Variants in L3MBTL1 observed in about 807,000 individuals in gnomAD.
The protein encoded by L3MBTL1 is lethal(3)malignant brain tumor-like protein 1.
In L3MBTL1, 75 loss-of-function variants were observed where a neutral mutation model predicts 105.3. The ratio of observed to expected loss-of-function variants is 0.71; its 90% CI spans 0.59 to 0.86. The LOEUF (loss-of-function observed/expected upper bound fraction) is 0.86. Among genes scored for constraint, L3MBTL1 ranks in the 40% least tolerant of loss-of-function variants. The pLI, the probability that L3MBTL1 is intolerant of heterozygous loss-of-function variation, is 0.00. For synonymous variants in L3MBTL1, 452 were observed against 436.2 expected, an observed-to-expected ratio of 1.04 and a Z score of -0.45; for missense variants, 1,069 against 1,126.4, an observed-to-expected ratio of 0.95 and a Z score of 0.73.
intron 7 of L3MBTL1, among the ~76,000 whole-genome samples, chr20:43,520,364 A>G (rs771868769): frequency 6.6e-6 from 1 of 152,190 alleles, no homozygotes; most frequent in Non-Finnish European, 1.5e-5. Context: ...GAACATTTGT[A>G]TACAAGTTTT....
intron 18 of L3MBTL1, 28 bp from the exon 19 acceptor site, chr20:43,536,381 G>A (rs6124570): frequency 1.9e-6 from 3 of 1,613,796 alleles, no homozygotes; most frequent in South Asian, 2.2e-5. Flanking sequence ...CTGATTCCCT[G>A]CCATGGACCT....
intron 19 of L3MBTL1, among the ~76,000 whole-genome samples, chr20:43,538,673 C>G (rs2019755509): frequency 6.6e-6 from 1 of 152,316 alleles, no homozygotes; most frequent in East Asian, 1.9e-4. Flanking sequence ...GGAGCCATGT[C>G]TGACCTGCAA....
rs559279994 is a variant in L3MBTL1, at chr20:43,514,702, G to A, written c.428G>A (p.Arg143Gln). 20 of 1,583,614 alleles carry A rather than the reference G, an allele frequency of 1.3e-5. No homozygotes were observed. Among genetic ancestry groups the A allele is most frequent in the Middle Eastern group, 1.7e-4 (1 of 6,010 alleles). The stretch of plus-strand genomic sequence containing the variant: ...GAGCAGCCCCCGAGCCCCGAGCTGC[G>A]GCAGGAAGGCGTGACCGAATACGAA... Reference protein sequence around the residue: ...GVEQPPSPELRQEGVTEYEDG... With the variant: ...GVEQPPSPELQQEGVTEYEDG... The change falls in exon 4 of 22, where the codon CGG (arginine) becomes CAG (glutamine). Residue 143 changes from arginine (R) to glutamine (Q), a missense_variant. Physicochemically the swap from Arg to Gln is conservative, Grantham distance 43. Transcript: ENST00000418998.
At chr20:43,546,984 T>C (rs1978641639) in intron 18 of L3MBTL1, among the ~76,000 whole-genome samples, 1 of 152,186 alleles carries the variant, frequency 6.6e-6, no homozygotes. Flanking sequence ...GGATACATTT[T>C]GCAGTTTTTG....
exon 19 of L3MBTL1, chr20:43,549,619 G>C (rs372567924): frequency 2.0e-5 from 3 of 152,326 alleles, no homozygotes; most frequent in African/African-American, 7.2e-5. Context: ...CCACATGGAG[G>C]TGAGGAGCCA....
chr20:43,536,539 G>A, intron 19 of L3MBTL1, 81 bp downstream of exon 19: 1 of 1,506,224 alleles, frequency 6.6e-7, no homozygotes, highest in Non-Finnish European at 9.2e-7. Context: ...GGATGAGACA[G>A]ATTTCCCAGA....
chr20:43,522,457 G>GTTTTTTTTTTTTTTTT lies in L3MBTL1; in HGVS notation c.863-6184_863-6169dup, dbSNP rs1176856356. On this transcript the variant is annotated intron_variant, in intron 7 of 21. Coordinates refer to ENST00000418998, the MANE Select transcript of L3MBTL1 (RefSeq NM_001377303.1). ...TGGTAACTGAATTTTTCCCTGCTAA[G>GTTTTTTTTTTTTTTTT]TTTTTTTTTTTTTTTTTTTTTTTTT... 4.2e-4 allele frequency among the ~76,000 whole-genome samples: 40 copies of GTTTTTTTTTTTTTTTT among 95,874 alleles called. 5 individuals are homozygous for GTTTTTTTTTTTTTTTT. The highest frequency in any genetic ancestry group is 1.9e-3 in the East Asian group (5 of 2,656). 62.9% of individuals were successfully genotyped at this position (95,874 alleles called of 152,430 possible). A position where few individuals can be genotyped will look rare whatever the true frequency, so the allele number is the denominator to read the frequency against.
rs1473294533 is a variant in L3MBTL1, at chr20:43,534,100, C to T, written c.1599+7C>T. On this transcript the variant is annotated splice_region_variant and intron_variant, in intron 14 of 21. Transcript: ENST00000418998. ...CACCTGGGCCTTCAAGGTGGTGAGT[C>T]AGTGCTCCCTGACCCCAGAGCTGAG... 6.2e-7 allele frequency: 1 copy of T among 1,610,590 alleles called. No homozygotes were observed. Among genetic ancestry groups the T allele is most frequent in the Non-Finnish European group, 8.5e-7 (1 of 1,176,836 alleles).
At chr20:43,530,533 C>A in intron 10 of L3MBTL1, 114 bp downstream of exon 10, 1 of 1,210,022 alleles carries the variant, frequency 8.3e-7, no homozygotes. Context: ...TACCCTGTTC[C>A]AAAGCCAGCC....
intron 13 of L3MBTL1, among the ~76,000 whole-genome samples, chr20:43,533,732 G>T (rs2019461365): frequency 6.6e-6 from 1 of 152,210 alleles, no homozygotes; most frequent in Non-Finnish European, 1.5e-5. Flanking sequence ...AAATACAGTA[G>T]AGATTCAAAT....
intron 19 of L3MBTL1, among the ~76,000 whole-genome samples, chr20:43,538,141 G>C (rs1450011686): frequency 6.6e-6 from 1 of 152,160 alleles, no homozygotes; most frequent in African/African-American, 2.4e-5. Context: ...CCTGAGTGAT[G>C]AGGGTCTTGG....
intron 15 of L3MBTL1, 63 bp downstream of exon 15, chr20:43,534,457 G>A: frequency 7.6e-7 from 1 of 1,308,890 alleles, no homozygotes; most frequent in East Asian, 2.3e-5. Context: ...TCTGTAGACT[G>A]TTTAGAGGTC....
At chr20:43,516,955 G>C (rs1392702753) in intron 7 of L3MBTL1, among the ~76,000 whole-genome samples, 1 of 151,970 alleles carries the variant, frequency 6.6e-6, no homozygotes, top group Non-Finnish European at 1.5e-5. Flanking sequence ...ACCATGCATG[G>C]CTAATTTTTT....
exon 19 of L3MBTL1, chr20:43,550,828 GTTCT>G (rs1568647080): frequency 6.6e-6 from 1 of 152,218 alleles, no homozygotes; most frequent in Non-Finnish European, 1.5e-5. Flanking sequence ...GTGTGTATGT[GTTCT>G]TTAAGAGAAT....
chr20:43,546,539 C>T (rs1002444570), downstream of L3MBTL1, among the ~76,000 whole-genome samples: 3 of 152,248 alleles, frequency 2.0e-5, no homozygotes, highest in Middle Eastern at 3.4e-3. Flanking sequence ...GTGCCTGGCA[C>T]GTAAGAAACA....
At chr20:43,543,139 T>G (rs1275457894), downstream of L3MBTL1, among the ~76,000 whole-genome samples, 1 of 152,098 alleles carries the variant, frequency 6.6e-6, no homozygotes, top group Non-Finnish European at 1.5e-5. Context: ...ATGTAAAACT[T>G]TACATCCACC....
At chr20:43,522,061 A>G (rs984265188) in intron 7 of L3MBTL1, among the ~76,000 whole-genome samples, 1 of 152,206 alleles carries the variant, frequency 6.6e-6, no homozygotes. Flanking sequence ...TTTTACCTAT[A>G]AGATACAGAA....
downstream of L3MBTL1, among the ~76,000 whole-genome samples, chr20:43,543,819 C>G (rs1296598196): frequency 6.6e-6 from 1 of 152,130 alleles, no homozygotes; most frequent in Non-Finnish European, 1.5e-5. Flanking sequence ...TACTGGTGGC[C>G]CTAAAAGTAG....
intron 7 of L3MBTL1, among the ~76,000 whole-genome samples, chr20:43,525,296 G>A (rs974358526): frequency 2.6e-5 from 4 of 152,114 alleles, no homozygotes; most frequent in Admixed American, 6.6e-5. Context: ...CTATCCAAGA[G>A]CATCTGGTCT....
Sources: allele counts gnomAD v4.1 joint callset (sites outside exome capture counted in the v4.1 genomes callset), GRCh38; gene constraint gnomAD v4.1.1; transcripts MANE v1.5; gene names NCBI Gene and HGNC (gene_info 2026-07-23, HGNC 2026-07-21).